The following KIF18A variants were observed in gnomAD, a reference collection of about 807,000 sequenced individuals.
KIF18A encodes the protein kinesin-like protein KIF18A.
KIF18A carries 67 observed loss-of-function variants against 103.3 expected under a neutral mutation model. The ratio of observed to expected loss-of-function variants is 0.65; its 90% confidence interval spans 0.53 to 0.79. The LOEUF (loss-of-function observed/expected upper bound fraction) is 0.79. Ranked by LOEUF, KIF18A falls within the 30% of genes least tolerant of loss-of-function variation. The pLI, the probability that KIF18A is intolerant of heterozygous loss-of-function variation, is 0.00. For missense variants in KIF18A, 1,032 were observed against 1,062.5 expected (o/e 0.97, Z 0.40); for synonymous variants, 367 against 355.5 (o/e 1.03, Z -0.36).
At chr11:28,048,699 A>T (rs556681849) in intron 13 of KIF18A, among the ~76,000 whole-genome samples, 2 of 152,280 alleles carry the variant, frequency 1.3e-5, no homozygotes, top group African/African-American at 4.8e-5. Flanking sequence ...AACACTAGTG[A>T]AAGGAATAAA....
chr11:28,106,723 C>T (rs936076111), intron 1 of KIF18A, among the ~76,000 whole-genome samples: 3 of 152,124 alleles, frequency 2.0e-5, no homozygotes, highest in African/African-American at 7.2e-5. Context: ...GTAATTCCTG[C>T]ACTTTAGGAG....
intron 10 of KIF18A, among the ~76,000 whole-genome samples, chr11:28,075,295 G>T (rs901088229): frequency 1.3e-5 from 2 of 152,074 alleles, no homozygotes; most frequent in Non-Finnish European, 2.9e-5. Flanking sequence ...TCTAGATCTG[G>T]CATGCTGCAG....
chr11:28,032,277 A>C (rs1590663120), intron 15 of KIF18A, among the ~76,000 whole-genome samples: 1 of 152,138 alleles, frequency 6.6e-6, no homozygotes, highest in South Asian at 2.1e-4. Context: ...AATATTGTTA[A>C]AATGTCCACA....
chr11:28,072,183 C>T (rs1851025274), intron 10 of KIF18A, among the ~76,000 whole-genome samples: 1 of 152,088 alleles, frequency 6.6e-6, no homozygotes, highest in African/African-American at 2.4e-5. Context: ...AAAAGCTTTA[C>T]ATATTTCATT....
intron 1 of KIF18A, among the ~76,000 whole-genome samples, chr11:28,104,801 T>C (rs1851485658): frequency 6.6e-6 from 1 of 152,136 alleles, no homozygotes; most frequent in Non-Finnish European, 1.5e-5. Flanking sequence ...AATAAACCAG[T>C]ACAGTTTTAA....
intron 9 of KIF18A, among the ~76,000 whole-genome samples, chr11:28,078,679 T>A (rs915655904): frequency 4.6e-5 from 7 of 152,200 alleles, no homozygotes; most frequent in African/African-American, 1.7e-4. Flanking sequence ...TGAAGTTTTA[T>A]AATTACTCTT....
chr11:28,062,598 C>T (rs1296014947), intron 11 of KIF18A, 82 bp from the exon 12 acceptor site: 3 of 1,062,086 alleles, frequency 2.8e-6, no homozygotes, highest in East Asian at 3.0e-5. Flanking sequence ...TATATTGTTG[C>T]CAATAGTTTT....
chr11:28,062,549 C>A, intron 11 of KIF18A, 33 bp from the exon 12 acceptor site: 2 of 1,571,646 alleles, frequency 1.3e-6, no homozygotes, highest in South Asian at 2.4e-5. Context: ...TACTTCAGAT[C>A]ACTCTAAGAA....
rs374015203 is a variant in KIF18A at position 28,083,212 on chromosome 11, T to C, written c.1106A>G (p.His369Arg). The change falls in exon 8 of 17, where the codon CAT (histidine) becomes CGT (arginine). Residue 369 changes from histidine (H) to arginine (R), a missense_variant. Physicochemically the swap from His to Arg is conservative, Grantham distance 29. Transcript: ENST00000263181. ...LKSNVLNVNN[H>R]ITQYVKICNE... ...ACAGATCTTTACATATTGAGTTATA[T>C]GATTATTGACATTAAGAACATTGCT... 1.9e-6 allele frequency: 3 copies of C among 1,561,444 alleles called. No individual in the cohort carries two copies. Among genetic ancestry groups the C allele is most frequent in the African/African-American group, 2.8e-5 (2 of 71,026 alleles).
At chr11:28,052,477 A>C (rs1565076659) in intron 13 of KIF18A, among the ~76,000 whole-genome samples, 3 of 151,650 alleles carry the variant, frequency 2.0e-5, no homozygotes, top group Non-Finnish European at 4.4e-5. Context: ...GAGATTTTGC[A>C]CTGTGATTGT....
rs748613494 is a variant in KIF18A at position 28,083,183 on chromosome 11, C to G, written c.1135G>C (p.Glu379Gln). The change falls in exon 8 of 17, where the codon GAG becomes CAG. Residue 379 changes from glutamate to glutamine, a missense_variant. By Grantham distance (29) the Glu-to-Gln change is conservative. Coordinates refer to ENST00000263181, the MANE Select transcript of KIF18A (RefSeq NM_031217.4). ...HITQYVKICN[E>Q]QKAEILLLKE... ...AACAGACATACCTCTGCCTTCTGCT[C>G]ATTACAGATCTTTACATATTGAGTT... 5.7e-6 allele frequency: 9 copies of G among 1,573,958 alleles called. No homozygotes were observed. Among genetic ancestry groups the G allele is most frequent in the Non-Finnish European group, 7.7e-6 (9 of 1,168,732 alleles).
chr11:28,036,425 T>C lies in KIF18A; in HGVS notation c.2188A>G (p.Thr730Ala). Reference protein sequence around the residue: ...VTLMKPSSFTTSFQAISSNIN... With the variant: ...VTLMKPSSFTASFQAISSNIN... Reference sequence around the variant, plus strand: ...TTTGAGCTGATAGCCTGAAAACTTGTAGTAAATGATGATGGTTTCATTAAG... The same window carrying C: ...TTTGAGCTGATAGCCTGAAAACTTGCAGTAAATGATGATGGTTTCATTAAG... The change falls in exon 14 of 17, where the codon ACA becomes GCA. Residue 730 changes from threonine (T) to alanine (A), a missense_variant. Transcript: ENST00000263181. 6.2e-7 allele frequency: 1 copy of C among 1,611,030 alleles called. No homozygotes were observed. Among genetic ancestry groups the C allele is most frequent in the Non-Finnish European group, 8.5e-7 (1 of 1,178,042 alleles).
In KIF18A at chr11:28,023,786, C is replaced by G. The variant is rs1850275701; in HGVS notation, c.2569G>C (p.Asp857His). ...NSGFAKRVRQ[D>H]NSSEKHLQEN... ...TGTAAGTGCTTCTCACTTGAATTATCTTGTCGAACACGTTTGGCAAATCCA... is the reference window on the plus strand; with the variant it reads ...TGTAAGTGCTTCTCACTTGAATTATGTTGTCGAACACGTTTGGCAAATCCA... Residue 857 changes from aspartate to histidine, a missense_variant, in exon 16 of 17, where the codon GAT becomes CAT. Transcript: ENST00000263181. The G allele has an allele frequency of 1.2e-6, 2 of 1,612,924 alleles. No individual in the cohort carries two copies. Among genetic ancestry groups the G allele is most frequent in the African/African-American group, 1.3e-5 (1 of 74,892 alleles).
intron 3 of KIF18A, among the ~76,000 whole-genome samples, chr11:28,093,919 A>G (rs1851334326): frequency 6.6e-6 from 1 of 152,196 alleles, no homozygotes; most frequent in Non-Finnish European, 1.5e-5. Flanking sequence ...TATAAATGGT[A>G]AAACGTATCT....
rs1304633480 is a variant in KIF18A, at chr11:28,094,801, C to T, written c.326-1G>A. 6.2e-7 allele frequency: 1 copy of T among 1,613,770 alleles called. No homozygotes were observed. Among genetic ancestry groups the T allele is most frequent in the South Asian group, 1.1e-5 (1 of 91,060 alleles). ...GCACCAGTGGCACCATAGGCAAGTA[C>T]TGAGTTTTTAAGAAAGGGATCAAAA... is the stretch of plus-strand genomic sequence containing the variant. On this transcript the variant is annotated splice_acceptor_variant, in intron 2 of 16. Transcript: ENST00000263181. LOFTEE classifies it high-confidence loss of function.
chr11:28,062,628 A>G, intron 11 of KIF18A, 112 bp from the exon 12 acceptor site: 1 of 784,938 alleles, frequency 1.3e-6, no homozygotes, highest in Admixed American at 3.9e-5. Flanking sequence ...TAGATATTAA[A>G]TAATATGTTT....
chr11:28,095,218 G>C (rs1340839022), intron 2 of KIF18A, among the ~76,000 whole-genome samples: 1 of 152,152 alleles, frequency 6.6e-6, no homozygotes, highest in Non-Finnish European at 1.5e-5. Context: ...GCACTCAGAG[G>C]GTGCCTGCTT....
chr11:28,040,190 A>C (rs1850540860), intron 13 of KIF18A, among the ~76,000 whole-genome samples: 1 of 151,770 alleles, frequency 6.6e-6, no homozygotes, highest in African/African-American at 2.4e-5. Context: ...TCCTTTAGCT[A>C]AGTTAGGTAA....
At chr11:28,096,179 A>G (rs896398245) in intron 2 of KIF18A, among the ~76,000 whole-genome samples, 2 of 148,888 alleles carry the variant, frequency 1.3e-5, no homozygotes, top group Non-Finnish European at 1.5e-5. Flanking sequence ...TCATCAAAAA[A>G]AAAAAAAAAA....
Sources: allele counts gnomAD v4.1 joint callset (sites outside exome capture counted in the v4.1 genomes callset), GRCh38; gene constraint gnomAD v4.1.1; transcripts MANE v1.5; gene names NCBI Gene and HGNC (gene_info 2026-07-23, HGNC 2026-07-21).